Variants in AKAP6 observed in about 807,000 individuals in gnomAD.
AKAP6 encodes the protein A-kinase anchoring protein 6.
AKAP6 carries 58 observed loss-of-function variants against 188.5 expected under a neutral mutation model. That is an observed-to-expected ratio of 0.31 (90% confidence interval 0.25 to 0.38). The LOEUF (loss-of-function observed/expected upper bound fraction) is 0.38, where lower values mean the gene tolerates loss of function less well. Ranked by LOEUF, AKAP6 falls within the 10% of genes least tolerant of loss-of-function variation. AKAP6 has a pLI of 1.00. For missense variants in AKAP6, 2,710 were observed against 2,740.0 expected (o/e 0.99, Z 0.24); for synonymous variants, 989 against 998.6 (o/e 0.99, Z 0.18).
chr14:32,624,290 A>T (rs992009687), intron 7 of AKAP6, among the ~76,000 whole-genome samples: 2 of 152,142 alleles, frequency 1.3e-5, no homozygotes, highest in Non-Finnish European at 2.9e-5. Context: ...TGTTCAAGAA[A>T]AATAGTCTTC....
At chr14:32,750,741 T>G (rs985159305) in intron 11 of AKAP6, among the ~76,000 whole-genome samples, 1 of 146,712 alleles carries the variant, frequency 6.8e-6, no homozygotes, top group African/African-American at 2.6e-5. Context: ...AATTTTGTTT[T>G]TTTTTTTTTG....
intron 11 of AKAP6, among the ~76,000 whole-genome samples, chr14:32,742,247 A>T (rs970189186): frequency 2.0e-5 from 3 of 151,578 alleles, no homozygotes; most frequent in Non-Finnish European, 4.4e-5. Flanking sequence ...GATTTTATTT[A>T]TTTGGATCTT....
chr14:32,659,279 G>A (rs1437193444), intron 7 of AKAP6, among the ~76,000 whole-genome samples: 1 of 152,116 alleles, frequency 6.6e-6, no homozygotes, highest in Non-Finnish European at 1.5e-5. Context: ...TGGGGAAGAA[G>A]TTACCTGTTC....
chr14:32,760,326 G>A (rs1042842569), intron 11 of AKAP6, among the ~76,000 whole-genome samples: 1 of 152,170 alleles, frequency 6.6e-6, no homozygotes, highest in African/African-American at 2.4e-5. Flanking sequence ...CATTTATCCT[G>A]TCTCAGAATA....
intron 4 of AKAP6, among the ~76,000 whole-genome samples, chr14:32,549,074 C>T (rs1303121468): frequency 6.6e-6 from 1 of 152,144 alleles, no homozygotes; most frequent in Non-Finnish European, 1.5e-5. Context: ...GCAGTAATAA[C>T]ATATTAATCA....
intron 2 of AKAP6, among the ~76,000 whole-genome samples, chr14:32,519,307 T>C (rs572223365): frequency 1.3e-5 from 2 of 152,264 alleles, no homozygotes; most frequent in South Asian, 2.1e-4. Flanking sequence ...AATAACCAAC[T>C]AACATCATAA....
chr14:32,761,816 A>G (rs991754504), intron 11 of AKAP6, among the ~76,000 whole-genome samples: 2 of 152,090 alleles, frequency 1.3e-5, no homozygotes, highest in African/African-American at 2.4e-5. Context: ...ACTGTCCTGC[A>G]TATCCTTTGA....
At chr14:32,715,479 A>G (rs1291040320) in intron 9 of AKAP6, among the ~76,000 whole-genome samples, 1 of 152,072 alleles carries the variant, frequency 6.6e-6, no homozygotes, top group African/African-American at 2.4e-5. Context: ...TAGCAAAGAT[A>G]GCAAATTTAT....
At chr14:32,646,606 G>C (rs1242184470) in intron 7 of AKAP6, among the ~76,000 whole-genome samples, 2 of 152,142 alleles carry the variant, frequency 1.3e-5, no homozygotes, top group East Asian at 3.9e-4. Flanking sequence ...TCATAAATTA[G>C]CTTATCATTG....
At chr14:32,337,279 G>C (rs945564918) in intron 1 of AKAP6, among the ~76,000 whole-genome samples, 4 of 152,284 alleles carry the variant, frequency 2.6e-5, no homozygotes, top group Middle Eastern at 6.8e-3. Context: ...AAGAATAAGG[G>C]GGTGGTGATG....
intron 9 of AKAP6, among the ~76,000 whole-genome samples, chr14:32,710,862 A>G (rs1348925277): frequency 6.6e-6 from 1 of 152,092 alleles, no homozygotes; most frequent in Non-Finnish European, 1.5e-5. Context: ...CCTGCAGGTC[A>G]CATGCAGCCT....
At chr14:32,449,056 T>C (rs1890846417) in intron 2 of AKAP6, among the ~76,000 whole-genome samples, 1 of 152,194 alleles carries the variant, frequency 6.6e-6, no homozygotes, top group Non-Finnish European at 1.5e-5. Flanking sequence ...GAAGATGAGA[T>C]TGCAGGAGAG....
chr14:32,765,516 T>C (rs1461461127), intron 11 of AKAP6, among the ~76,000 whole-genome samples: 1 of 152,218 alleles, frequency 6.6e-6, no homozygotes, highest in Non-Finnish European at 1.5e-5. Flanking sequence ...TTCATAGTCT[T>C]CTATGTTTAC....
intron 11 of AKAP6, among the ~76,000 whole-genome samples, chr14:32,746,222 C>G (rs377320160): frequency 2.2e-4 from 33 of 152,212 alleles, no homozygotes; most frequent in African/African-American, 7.7e-4. Flanking sequence ...TCCCTCTGCT[C>G]TCCTCAAGCA....
intron 11 of AKAP6, among the ~76,000 whole-genome samples, chr14:32,772,154 G>A (rs1594930736): frequency 6.6e-6 from 1 of 152,100 alleles, no homozygotes; most frequent in African/African-American, 2.4e-5. Flanking sequence ...CAGGGTTGTA[G>A]GAAGAGATGG....
intron 2 of AKAP6, among the ~76,000 whole-genome samples, chr14:32,434,639 G>A (rs1025652200): frequency 1.3e-5 from 2 of 152,174 alleles, no homozygotes; most frequent in Admixed American, 1.3e-4. Flanking sequence ...GTAACACTAA[G>A]GAAACTTCCT....
intron 2 of AKAP6, among the ~76,000 whole-genome samples, chr14:32,490,018 G>T (rs1017447069): frequency 2.0e-5 from 3 of 152,112 alleles, no homozygotes; most frequent in Non-Finnish European, 2.9e-5. Flanking sequence ...TTTCGGACAG[G>T]GGGTGGATCT....
At chr14:32,681,601 C>T (rs895931604) in intron 8 of AKAP6, among the ~76,000 whole-genome samples, 1 of 151,970 alleles carries the variant, frequency 6.6e-6, no homozygotes, top group Non-Finnish European at 1.5e-5. Flanking sequence ...TCATTAAAAC[C>T]ACACAGAAGT....
chr14:32,633,593 G>A (rs2139461454), intron 7 of AKAP6, among the ~76,000 whole-genome samples: 1 of 152,146 alleles, frequency 6.6e-6, no homozygotes, highest in South Asian at 2.1e-4. Context: ...GTCTCCGCTA[G>A]CTCTCTGGCT....
Sources: allele counts gnomAD v4.1 joint callset (sites outside exome capture counted in the v4.1 genomes callset), GRCh38; gene constraint gnomAD v4.1.1; transcripts MANE v1.5; gene names NCBI Gene and HGNC (gene_info 2026-07-23, HGNC 2026-07-21).